The following SND1 variants were observed in gnomAD, a reference collection of about 807,000 sequenced individuals.
SND1 encodes the protein staphylococcal nuclease and tudor domain containing 1, also known as staphylococcal nuclease domain-containing protein 1.
SND1 carries 38 observed loss-of-function variants against 121.7 expected under a neutral mutation model. The observed-to-expected ratio is 0.31, with a 90% CI of 0.24 to 0.41. The LOEUF (loss-of-function observed/expected upper bound fraction) is 0.41. SND1 is among the 10% of genes least tolerant of loss of function. SND1 has a pLI of 1.00. For missense variants in SND1, 868 were observed against 1,184.6 expected, an observed-to-expected ratio of 0.73 and a Z score of 3.92; for synonymous variants, 401 against 447.4, an observed-to-expected ratio of 0.90 and a Z score of 1.31.
At chr7:127,933,105 A>G (rs1197610233) in intron 15 of SND1, among the ~76,000 whole-genome samples, 24 of 152,240 alleles carry the variant, frequency 1.6e-4, no homozygotes. Flanking sequence ...ACAAATGTAT[A>G]GGGGAAAGAG....
At chr7:127,703,870 A>G (rs1367841587) in intron 7 of SND1, among the ~76,000 whole-genome samples, 1 of 152,214 alleles carries the variant, frequency 6.6e-6, no homozygotes, top group Non-Finnish European at 1.5e-5. Context: ...TTGATCACAT[A>G]TTTATCTAAC....
Position 127,844,414 on chromosome 7 carries a change from A to C in SND1, c.1333A>C (p.Ile445Leu). 1 of 1,612,788 alleles carries C rather than the reference A, an allele frequency of 6.2e-7. No individual in the cohort carries two copies. The highest frequency in any genetic ancestry group is 1.7e-5 in the Admixed American group (1 of 59,844). Residue 445 changes from isoleucine to leucine, a missense_variant, in exon 12 of 24, where the codon ATT (isoleucine) becomes CTT (leucine). Ile to Leu is a conservative substitution (Grantham distance 5). Around this residue, in one of 2 missense-constraint regions of SND1, gnomAD observed 743 missense variants for 1,071.3 expected, o/e 0.69. Coordinates refer to ENST00000354725, the MANE Select transcript of SND1 (RefSeq NM_014390.4). ...FSERTCATVT[I>L]GGINIAEALV... ...AGAGCGTACCTGTGCCACTGTCACC[A>C]TTGGAGGAATGTGAGTGTTCTGGCT...
intron 5 of SND1, 133 bp downstream of exon 5, chr7:127,701,456 T>A: frequency 2.3e-6 from 2 of 868,914 alleles, no homozygotes; most frequent in Non-Finnish European, 3.4e-6. Flanking sequence ...ATCCTTAAGG[T>A]TAAAACAGCA....
chr7:127,744,393 A>G (rs1422908932), intron 10 of SND1, among the ~76,000 whole-genome samples: 30 of 152,256 alleles, frequency 2.0e-4, no homozygotes, highest in African/African-American at 2.4e-5. Context: ...GTACTTTATA[A>G]TGAAACATTT....
rs1554422863 is a variant in SND1 at position 127,764,056 on chromosome 7, A to AAAAAAAAAAAAAAAAAC, written c.1152+42660_1152+42661insAAAAAAAAAAAACAAAA. Among the ~76,000 whole-genome samples, 44 of 135,278 alleles carry AAAAAAAAAAAAAAAAAC rather than the reference A, an allele frequency of 3.3e-4. 2 individuals are homozygous for AAAAAAAAAAAAAAAAAC. Among genetic ancestry groups the AAAAAAAAAAAAAAAAAC allele is most frequent in the Non-Finnish European group, 5.2e-4 (32 of 61,466 alleles). The allele number at this position is 135,278 out of a possible 152,430, so 88.7% of individuals were successfully genotyped here. A position where few individuals can be genotyped will look rare whatever the true frequency, so the allele number is the denominator to read the frequency against. ...CCTGTCGCAAAAAAAAAAAAAACAA[A>AAAAAAAAAAAAAAAAAC]AAAACAAAAAAACAAAAAACCCAAG... On this transcript the variant is annotated intron_variant, in intron 10 of 23. Transcript: ENST00000354725.
chr7:127,864,209 T>C (rs1799428545), intron 12 of SND1, among the ~76,000 whole-genome samples: 1 of 117,806 alleles, frequency 8.5e-6, no homozygotes, highest in East Asian at 2.9e-4. Context: ...GGTAGCTCTT[T>C]ATATGCAAGC....
At chr7:128,040,084 C>T (rs1792823850) in intron 16 of SND1, among the ~76,000 whole-genome samples, 1 of 152,070 alleles carries the variant, frequency 6.6e-6, no homozygotes, top group Admixed American at 6.5e-5. Context: ...AGAATTCCAT[C>T]AACGAACCCT....
intron 11 of SND1, among the ~76,000 whole-genome samples, chr7:127,822,105 T>A (rs1294296312): frequency 6.6e-6 from 1 of 152,198 alleles, no homozygotes; most frequent in Non-Finnish European, 1.5e-5. Flanking sequence ...GTTAGAGACC[T>A]TTCTTTTGCC....
chr7:127,753,928 A>G (rs999687400), intron 10 of SND1, among the ~76,000 whole-genome samples: 3 of 152,352 alleles, frequency 2.0e-5, no homozygotes, highest in Non-Finnish European at 4.4e-5. Flanking sequence ...CACCTAAAGA[A>G]CCAAAATGGA....
chr7:127,752,282 G>GT (rs1480064472), intron 10 of SND1, among the ~76,000 whole-genome samples: 3 of 152,040 alleles, frequency 2.0e-5, no homozygotes, highest in Non-Finnish European at 4.4e-5. Context: ...TTTGGAGGGG[G>GT]TGGGTGTGTT....
intron 13 of SND1, among the ~76,000 whole-genome samples, chr7:127,893,015 T>A (rs1800039717): frequency 6.6e-6 from 1 of 152,160 alleles, no homozygotes; most frequent in Admixed American, 6.5e-5. Flanking sequence ...CTGCTACATA[T>A]GCCTAGTCTT....
chr7:128,031,255 G>C (rs1287631376), intron 16 of SND1, among the ~76,000 whole-genome samples: 1 of 151,398 alleles, frequency 6.6e-6, no homozygotes, highest in Non-Finnish European at 1.5e-5. Flanking sequence ...GCACCGGCTC[G>C]CTCCAGCCGC....
intron 10 of SND1, among the ~76,000 whole-genome samples, chr7:127,754,141 A>G (rs1052635209): frequency 6.6e-6 from 1 of 152,230 alleles, no homozygotes; most frequent in East Asian, 1.9e-4. Flanking sequence ...GTGTCACAGT[A>G]TCTTCTATTT....
intron 1 of SND1, among the ~76,000 whole-genome samples, chr7:127,666,755 A>G (rs1309759955): frequency 6.6e-6 from 1 of 152,202 alleles, no homozygotes; most frequent in Non-Finnish European, 1.5e-5. Flanking sequence ...ATGCTGATAT[A>G]GCTGCCTGTT....
At chr7:128,047,239 G>A (rs1484461161) in intron 16 of SND1, among the ~76,000 whole-genome samples, 3 of 152,220 alleles carry the variant, frequency 2.0e-5, no homozygotes, top group Non-Finnish European at 2.9e-5. Context: ...GGGAGAAGGT[G>A]GAAATGGCTG....
At chr7:128,075,066 G>A (rs1025545299) in intron 17 of SND1, among the ~76,000 whole-genome samples, 1 of 152,254 alleles carries the variant, frequency 6.6e-6, no homozygotes, top group African/African-American at 2.4e-5. Flanking sequence ...CTCAGGACTG[G>A]GCGGCCCAAG....
At chr7:127,858,401 T>C (rs1043628156) in intron 12 of SND1, 16 of 1,212,184 alleles carry the variant, frequency 1.3e-5, no homozygotes, top group Non-Finnish European at 1.7e-5. Flanking sequence ...CAAAAGTCCC[T>C]CCAAGAAGGC....
intron 14 of SND1, among the ~76,000 whole-genome samples, chr7:127,911,330 ACTCTTT>A (rs1800449352): frequency 6.6e-6 from 1 of 151,938 alleles, no homozygotes; most frequent in Non-Finnish European, 1.5e-5. Flanking sequence ...AAAACTTCAA[ACTCTTT>A]CTCTTTCTTT....
chr7:127,966,828 G>A (rs1584701739), intron 15 of SND1, among the ~76,000 whole-genome samples: 2 of 142,140 alleles, frequency 1.4e-5, no homozygotes, highest in Admixed American at 1.4e-4. Flanking sequence ...TCAAAAGCTA[G>A]CAGAAGGCAA....
Sources: gnomAD v4.1 joint callset for allele counts (sites outside exome capture counted in the v4.1 genomes callset) on GRCh38, gnomAD v4.1.1 for gene constraint, gnomAD v4.1.1 regional missense constraint, MANE v1.5 for transcripts, NCBI Gene and HGNC (gene_info 2026-07-23, HGNC 2026-07-21) for gene names.